The following MAGI2 variants were observed in gnomAD, a reference collection of about 807,000 sequenced individuals.
The protein encoded by MAGI2 is membrane-associated guanylate kinase, WW and PDZ domain-containing protein 2.
In MAGI2, 35 loss-of-function variants were observed where a neutral mutation model predicts 133.3. The observed-to-expected ratio is 0.26, with a 90% CI of 0.20 to 0.35. The LOEUF (loss-of-function observed/expected upper bound fraction) is 0.35, where lower values mean the gene tolerates loss of function less well. Among genes scored for constraint, MAGI2 ranks in the 10% least tolerant of loss-of-function variants. The pLI is 1.00. For missense variants in MAGI2, 1,636 were observed against 1,863.4 expected, an observed-to-expected ratio of 0.88 and a Z score of 2.25; for synonymous variants, 729 against 710.6, an observed-to-expected ratio of 1.03 and a Z score of -0.41.
At chr7:78,509,102 C>T (rs1342906563) in intron 4 of MAGI2, among the ~76,000 whole-genome samples, 1 of 151,928 alleles carries the variant, frequency 6.6e-6, no homozygotes, top group African/African-American at 2.4e-5. Flanking sequence ...GTTTCTGTGT[C>T]TCTTAGATGT....
chr7:78,405,821 G>A (rs1280535699), intron 6 of MAGI2, among the ~76,000 whole-genome samples: 1 of 151,902 alleles, frequency 6.6e-6, no homozygotes, highest in Non-Finnish European at 1.5e-5. Flanking sequence ...ACTTGCAAAA[G>A]TCTATTAAGC....
intron 6 of MAGI2, among the ~76,000 whole-genome samples, chr7:78,456,454 T>TA (rs1482303371): frequency 1.3e-5 from 2 of 152,150 alleles, no homozygotes; most frequent in African/African-American, 2.4e-5. Context: ...ATTTATTTTT[T>TA]AAAAAATTAC....
At chr7:79,028,103 T>A (rs1315535339) in intron 1 of MAGI2, among the ~76,000 whole-genome samples, 3 of 151,176 alleles carry the variant, frequency 2.0e-5, no homozygotes, top group African/African-American at 7.3e-5. Flanking sequence ...TCCCAACTAC[T>A]CAGCAGGCTG....
chr7:78,989,312 T>C (rs1388218103), intron 2 of MAGI2, among the ~76,000 whole-genome samples: 1 of 152,084 alleles, frequency 6.6e-6, no homozygotes, highest in Non-Finnish European at 1.5e-5. Context: ...TATTTTGGAT[T>C]GTAATTACCT....
chr7:78,699,887 T>A (rs1347466274), intron 2 of MAGI2, among the ~76,000 whole-genome samples: 1 of 152,088 alleles, frequency 6.6e-6, no homozygotes, highest in Non-Finnish European at 1.5e-5. Context: ...AAAATAAAAT[T>A]CAGAAAATTA....
chr7:79,453,610 T>TCGGCGG lies in MAGI2; in HGVS notation c.-296_-291dup, dbSNP rs922819183. The TCGGCGG allele has an allele frequency of 5.1e-4, 515 of 1,013,062 alleles. 4 individuals are homozygous for TCGGCGG. The African/African-American group carries it at 8.1e-3, about 16-fold the overall frequency. 62.8% of individuals were successfully genotyped at this position (1,013,062 alleles called of 1,614,324 possible). ...AGCAGAGGAAGCAGTGGTGGTGGCG[T>TCGGCGG]CGGCGGCGGCGGCGGCGGCAGCCGG... On this transcript the variant is annotated 5_prime_UTR_variant, in exon 1 of 22. Transcript: ENST00000354212.
chr7:78,449,073 A>G (rs17150780), intron 6 of MAGI2, among the ~76,000 whole-genome samples: 2,933 of 152,184 alleles, frequency 0.019, 101 homozygotes, highest in African/African-American at 0.068. Context: ...GTTATCTCTC[A>G]ACCCTTTGTT....
chr7:79,011,878 TTCCTTTC>T (rs1013908138), intron 1 of MAGI2, among the ~76,000 whole-genome samples: 8 of 96,060 alleles, frequency 8.3e-5, no homozygotes, highest in African/African-American at 3.0e-4. Flanking sequence ...CCTTCCTTCC[TTCCTTTC>T]TTCCTTCCTT....
chr7:79,291,206 A>G (rs935188385), intron 1 of MAGI2, among the ~76,000 whole-genome samples: 4 of 151,958 alleles, frequency 2.6e-5, no homozygotes, highest in Admixed American at 2.6e-4. Flanking sequence ...ATTTAGCATA[A>G]CGTTTTCAAG....
At chr7:79,340,910 A>G (rs1429376763) in intron 1 of MAGI2, among the ~76,000 whole-genome samples, 3 of 152,088 alleles carry the variant, frequency 2.0e-5, no homozygotes, top group African/African-American at 7.2e-5. Context: ...GATCCTGGAG[A>G]AGCTCTTAGC....
At chr7:79,309,939 T>C (rs1323242359) in intron 1 of MAGI2, among the ~76,000 whole-genome samples, 1 of 129,796 alleles carries the variant, frequency 7.7e-6, no homozygotes, top group African/African-American at 2.7e-5. Flanking sequence ...AAGACCAGCC[T>C]GGACAACATA....
At position 78,536,187 on chromosome 7, in the gene MAGI2, A is replaced by G. The variant is rs865790244; in HGVS notation, c.539-14542T>C. 2.4e-3 allele frequency among the ~76,000 whole-genome samples: 285 copies of G among 120,378 alleles called. 2 individuals are homozygous for G. The Middle Eastern group carries it at 0.024, about 10-fold the overall frequency. The allele number at this position is 120,378 out of a possible 152,430, so 79.0% of individuals were successfully genotyped here. ...GAGTGCAGTGGCGGGATCTCGGCTCACTGCAAGCTCCGCCTCCCGGGTTCA... is the reference window on the plus strand; with the variant it reads ...GAGTGCAGTGGCGGGATCTCGGCTCGCTGCAAGCTCCGCCTCCCGGGTTCA... On this transcript the variant is annotated intron_variant, in intron 3 of 21. Coordinates refer to ENST00000354212, the MANE Select transcript of MAGI2 (RefSeq NM_012301.4).
chr7:79,196,690 TAG>T (rs1291570284), intron 1 of MAGI2, among the ~76,000 whole-genome samples: 4 of 152,112 alleles, frequency 2.6e-5, no homozygotes, highest in African/African-American at 9.7e-5. Context: ...CTTTCATTTG[TAG>T]AGTTTCCTAC....
At chr7:79,011,574 C>G (rs915348205) in intron 1 of MAGI2, among the ~76,000 whole-genome samples, 1 of 152,030 alleles carries the variant, frequency 6.6e-6, no homozygotes, top group African/African-American at 2.4e-5. Context: ...ACCTTATAAA[C>G]TTTTATCAGT....
chr7:78,280,427 A>C (rs888443071), intron 9 of MAGI2, among the ~76,000 whole-genome samples: 1 of 152,182 alleles, frequency 6.6e-6, no homozygotes, highest in African/African-American at 2.4e-5. Context: ...ATTGTTTGTA[A>C]GAGACCTGCA....
chr7:79,068,646 G>T (rs1814626871), intron 1 of MAGI2, among the ~76,000 whole-genome samples: 1 of 152,132 alleles, frequency 6.6e-6, no homozygotes, highest in East Asian at 1.9e-4. Flanking sequence ...GAATTTGTTT[G>T]CTCTTATTTC....
intron 5 of MAGI2, among the ~76,000 whole-genome samples, chr7:78,492,239 G>A (rs1793690724): frequency 6.6e-6 from 1 of 151,984 alleles, no homozygotes; most frequent in African/African-American, 2.4e-5. Context: ...TTTCATTACA[G>A]GCTGATTTTT....
chr7:78,183,553 C>A (rs780281469), intron 13 of MAGI2, among the ~76,000 whole-genome samples: 1 of 151,892 alleles, frequency 6.6e-6, no homozygotes, highest in Non-Finnish European at 1.5e-5. Context: ...CATGCACCAC[C>A]GCAATCGGCC....
At chr7:78,624,789 A>G (rs916534606) in intron 3 of MAGI2, among the ~76,000 whole-genome samples, 1 of 152,310 alleles carries the variant, frequency 6.6e-6, no homozygotes, top group African/African-American at 2.4e-5. Context: ...AAGAAAAAAA[A>G]GTATAGCACA....
Sources: gnomAD v4.1 joint callset for allele counts (sites outside exome capture counted in the v4.1 genomes callset) on GRCh38, gnomAD v4.1.1 for gene constraint, MANE v1.5 for transcripts, NCBI Gene and HGNC (gene_info 2026-07-23, HGNC 2026-07-21) for gene names.